Variants in MGST1 observed in about 807,000 individuals in gnomAD.
The protein encoded by MGST1 is microsomal glutathione S-transferase 1.
A neutral mutation model predicts 8.9 loss-of-function variants in MGST1; 5 were observed. The ratio of observed to expected loss-of-function variants is 0.56; its 90% CI spans 0.29 to 1.19. The LOEUF (loss-of-function observed/expected upper bound fraction) is 1.19, where lower values mean the gene tolerates loss of function less well. MGST1 is among the 50% of genes most tolerant of loss of function. MGST1 has a pLI of 0.08. For synonymous variants in MGST1, 54 were observed against 67.8 expected (o/e 0.80, Z 1.00); for missense variants, 182 against 187.4 (o/e 0.97, Z 0.17).
chr12:16,494,862 C>T (rs1318251240), intron 4 of MGST1, among the ~76,000 whole-genome samples: 1 of 152,068 alleles, frequency 6.6e-6, no homozygotes, highest in East Asian at 1.9e-4. Context: ...GTCTCCTAAG[C>T]CACTGAAACA....
rs1400560850 is a variant in MGST1 at position 16,548,445 on chromosome 12, T to TATTA, written n.483-41081_483-41078dup. 6.6e-6 allele frequency: 1 copy of TATTA among 152,174 alleles called. No individual in the cohort carries two copies. The highest frequency in any genetic ancestry group is 1.5e-5 in the Non-Finnish European group (1 of 68,020). 9.4% of individuals were successfully genotyped at this position (152,174 alleles called of 1,614,324 possible). A position where few individuals can be genotyped will look rare whatever the true frequency, so the allele number is the denominator to read the frequency against. ...TGAATGAAAGAATCCAGCAGATATTTATTAAGCAAGATGAAAGTGAAATTA... is the reference window on the plus strand; with the variant it reads ...TGAATGAAAGAATCCAGCAGATATTTATTAATTAAGCAAGATGAAAGTGAAATTA... On this transcript the variant is annotated intron_variant and non_coding_transcript_variant, in intron 4 of 4. Transcript: ENST00000538857. This position sits in a 1 kb window ranked among gnomAD's most constrained non-coding sequence, Gnocchi z 4.2.
At position 16,450,474 on chromosome 12, in the gene MGST1, A is replaced by C. The variant is rs138253806; in HGVS notation, n.482+66870A>C. On this transcript the variant is annotated intron_variant and non_coding_transcript_variant, in intron 4 of 4. Coordinates refer to the MGST1 transcript ENST00000538857. ...AACAAAGGAAGAGTCCTAGGGCTAGAAATCACTCAAGAGCAGAGCCTTGAT... is the reference window on the plus strand; with the variant it reads ...AACAAAGGAAGAGTCCTAGGGCTAGCAATCACTCAAGAGCAGAGCCTTGAT... Among the ~76,000 whole-genome samples, 884 of 152,088 alleles carry C rather than the reference A, an allele frequency of 5.8e-3. 5 individuals are homozygous for C. The highest frequency in any genetic ancestry group is 0.012 in the South Asian group (57 of 4,824).
At chr12:16,405,483 A>G (rs1940691873) in intron 1 of MGST1, among the ~76,000 whole-genome samples, 1 of 152,182 alleles carries the variant, frequency 6.6e-6, no homozygotes, top group African/African-American at 2.4e-5. Context: ...ATTCTACCAG[A>G]TCTACAGAGA....
At chr12:16,558,526 A>ATGTT in intron 4 of MGST1, among the ~76,000 whole-genome samples, 1 of 152,194 alleles carries the variant, frequency 6.6e-6, no homozygotes, top group Admixed American at 6.5e-5. Flanking sequence ...GGATGTGGGA[A>ATGTT]TGTTTGTGTT....
intron 1 of MGST1, among the ~76,000 whole-genome samples, chr12:16,417,489 T>C (rs1649263367): frequency 6.6e-6 from 1 of 152,064 alleles, no homozygotes; most frequent in African/African-American, 2.4e-5. Flanking sequence ...AGCTGTATAG[T>C]ATAGAAATGA....
intron 4 of MGST1, among the ~76,000 whole-genome samples, chr12:16,507,674 G>A (rs528486613): frequency 1.3e-5 from 2 of 152,188 alleles, no homozygotes; most frequent in South Asian, 2.1e-4. Context: ...GTGAAGGGAG[G>A]GCAAGCACAT....
chr12:16,432,719 CACACACACACACAGAG>C (rs1940949533), intron 1 of MGST1, among the ~76,000 whole-genome samples: 1 of 139,342 alleles, frequency 7.2e-6, no homozygotes, highest in African/African-American at 3.0e-5. Context: ...CACACACACA[CACACACACACACAGAG>C]AGAGAGAATA....
At chr12:16,508,567 A>G (rs1432951808) in intron 4 of MGST1, among the ~76,000 whole-genome samples, 1 of 152,188 alleles carries the variant, frequency 6.6e-6, no homozygotes, top group Non-Finnish European at 1.5e-5. Flanking sequence ...TCTCTGATGA[A>G]TCAATCATCT....
intron 1 of MGST1, among the ~76,000 whole-genome samples, chr12:16,406,901 G>A (rs1245257906): frequency 2.0e-5 from 3 of 151,986 alleles, no homozygotes; most frequent in African/African-American, 4.8e-5. Flanking sequence ...TACAAACATC[G>A]ACTCAAGATG....
At chr12:16,408,891 A>T (rs554695496) in intron 1 of MGST1, among the ~76,000 whole-genome samples, 4 of 152,056 alleles carry the variant, frequency 2.6e-5, no homozygotes, top group African/African-American at 9.7e-5. Context: ...TTTTTAGTTG[A>T]GTCTAACCTA....
chr12:16,552,246 G>T (rs1407929753), intron 4 of MGST1, among the ~76,000 whole-genome samples: 1 of 151,946 alleles, frequency 6.6e-6, no homozygotes, highest in Non-Finnish European at 1.5e-5. Flanking sequence ...ATATTTAATT[G>T]TAACAATTTA....
chr12:16,528,336 G>A (rs563795152), intron 4 of MGST1, among the ~76,000 whole-genome samples: 6 of 151,956 alleles, frequency 3.9e-5, no homozygotes, highest in South Asian at 2.1e-4. Flanking sequence ...CGAGGGGAAC[G>A]TATATAAAGA....
At chr12:16,449,785 C>G (rs151129759) in intron 4 of MGST1, among the ~76,000 whole-genome samples, 72 of 152,062 alleles carry the variant, frequency 4.7e-4, no homozygotes, top group African/African-American at 1.7e-3. Context: ...ATCTATCCCC[C>G]CATTCTTCCA....
In MGST1 at chr12:16,548,457, T is replaced by C. The variant is rs990357207; in HGVS notation, n.483-41071T>C. ...TCCAGCAGATATTTATTAAGCAAGA[T>C]GAAAGTGAAATTACAAACACAGGTC... On this transcript the variant is annotated intron_variant and non_coding_transcript_variant, in intron 4 of 4. Coordinates refer to the MGST1 transcript ENST00000538857. This position sits in a 1 kb window ranked among gnomAD's most constrained non-coding sequence, Gnocchi z 4.2. The C allele has an allele frequency of 3.7e-4, 57 of 152,160 alleles. No homozygotes were observed. The highest frequency in any genetic ancestry group is 1.2e-3 in the African/African-American group (51 of 41,440). 9.4% of individuals were successfully genotyped at this position (152,160 alleles called of 1,614,324 possible).
At chr12:16,353,646 G>T (rs766808411) in intron 1 of MGST1, among the ~76,000 whole-genome samples, 1 of 150,810 alleles carries the variant, frequency 6.6e-6, no homozygotes, top group African/African-American at 2.4e-5. Context: ...TATGTTTAGG[G>T]CATTTTTGCT....
chr12:16,557,321 AG>A (rs1942227395), intron 4 of MGST1, among the ~76,000 whole-genome samples: 1 of 152,232 alleles, frequency 6.6e-6, no homozygotes, highest in Middle Eastern at 3.4e-3. Flanking sequence ...AATGCCAGTT[AG>A]AAATTATAAT....
At chr12:16,564,843 T>C (rs1942535848) in intron 4 of MGST1, among the ~76,000 whole-genome samples, 1 of 152,190 alleles carries the variant, frequency 6.6e-6, no homozygotes, top group Non-Finnish European at 1.5e-5. Flanking sequence ...TGGAATGCAG[T>C]GGTGTGACCA....
chr12:16,481,161 C>A (rs1350491207), intron 4 of MGST1, among the ~76,000 whole-genome samples: 1 of 152,122 alleles, frequency 6.6e-6, no homozygotes, highest in Non-Finnish European at 1.5e-5. Flanking sequence ...CCCTCACTTA[C>A]TGAGAATTAA....
At chr12:16,510,307 G>A (rs542309513) in intron 4 of MGST1, among the ~76,000 whole-genome samples, 2 of 152,126 alleles carry the variant, frequency 1.3e-5, no homozygotes, top group South Asian at 4.2e-4. Flanking sequence ...ACCGAAGAAG[G>A]GAAGGGAAGA....
Sources: gnomAD v4.1 joint callset for allele counts (sites outside exome capture counted in the v4.1 genomes callset) on GRCh38, gnomAD v4.1.1 for gene constraint, Gnocchi (gnomAD v3.1) non-coding constraint, MANE v1.5 for transcripts, NCBI Gene and HGNC (gene_info 2026-07-23, HGNC 2026-07-21) for gene names.